The following TMTC2 variants were observed in gnomAD, a reference collection of about 807,000 sequenced individuals.
The protein encoded by TMTC2 is protein O-mannosyl-transferase TMTC2.
TMTC2 carries 43 observed loss-of-function variants against 82.4 expected under a neutral mutation model. The ratio of observed to expected loss-of-function variants is 0.52; its 90% CI spans 0.41 to 0.67. The LOEUF is 0.67. Among genes scored for constraint, TMTC2 ranks in the 30% least tolerant of loss-of-function variants. TMTC2 has a pLI of 0.00. For synonymous variants in TMTC2, 408 were observed against 381.9 expected (o/e 1.07, Z -0.80); for missense variants, 919 against 1,012.4 (o/e 0.91, Z 1.25).
intron 4 of TMTC2, among the ~76,000 whole-genome samples, chr12:82,937,799 C>T (rs60382005): frequency 0.15 from 3,769 of 25,248 alleles, 225 homozygotes; most frequent in East Asian, 0.45. Context: ...TATATATACA[C>T]ACATATATAT....
At chr12:82,949,066 C>T (rs558635783) in intron 4 of TMTC2, among the ~76,000 whole-genome samples, 3 of 152,298 alleles carry the variant, frequency 2.0e-5, no homozygotes, top group Non-Finnish European at 4.4e-5. Context: ...ATAAACAAGT[C>T]AGTCTAACTA....
At chr12:82,959,533 A>G (rs1399405098) in intron 4 of TMTC2, among the ~76,000 whole-genome samples, 4 of 152,170 alleles carry the variant, frequency 2.6e-5, no homozygotes, top group Non-Finnish European at 5.9e-5. Context: ...ATCTACAGCT[A>G]TCTGACCTTC....
chr12:82,884,935 C>A (rs1873012801), intron 2 of TMTC2, among the ~76,000 whole-genome samples: 1 of 151,996 alleles, frequency 6.6e-6, no homozygotes, highest in Non-Finnish European at 1.5e-5. Flanking sequence ...GCTCTGTTAC[C>A]CACACAGGAG....
chr12:82,697,933 G>C (rs1333794037), intron 1 of TMTC2, among the ~76,000 whole-genome samples: 1 of 152,188 alleles, frequency 6.6e-6, no homozygotes, highest in African/African-American at 2.4e-5. Flanking sequence ...CAGCAAAAAT[G>C]AGAGTTTAGG....
chr12:83,041,939 C>T (rs560601979), intron 9 of TMTC2, among the ~76,000 whole-genome samples: 148 of 152,238 alleles, frequency 9.7e-4, no homozygotes, highest in African/African-American at 3.3e-3. Flanking sequence ...CACACACAAA[C>T]ACATTGGTGG....
chr12:82,828,007 C>G (rs907310757), intron 1 of TMTC2, among the ~76,000 whole-genome samples: 1 of 151,012 alleles, frequency 6.6e-6, no homozygotes, highest in Non-Finnish European at 1.5e-5. Context: ...ATTCTCCTGT[C>G]TCCGCCTCCT....
chr12:82,912,137 T>G (rs1243340171), intron 3 of TMTC2, among the ~76,000 whole-genome samples: 1 of 152,216 alleles, frequency 6.6e-6, no homozygotes, highest in East Asian at 1.9e-4. Context: ...ATTAATATCT[T>G]TTTTGGAAGC....
intron 8 of TMTC2, among the ~76,000 whole-genome samples, chr12:83,027,320 C>G (rs1343689322): frequency 1.3e-5 from 2 of 152,114 alleles, no homozygotes; most frequent in African/African-American, 2.4e-5. Flanking sequence ...TCATGCTTCC[C>G]TCCTACAAAC....
intron 2 of TMTC2, among the ~76,000 whole-genome samples, chr12:82,876,815 C>T (rs1378877911): frequency 6.6e-6 from 1 of 152,174 alleles, no homozygotes; most frequent in Non-Finnish European, 1.5e-5. Context: ...GCTTTAATAG[C>T]AGTGCGACCT....
At chr12:82,888,902 G>A (rs1873242934) in intron 2 of TMTC2, among the ~76,000 whole-genome samples, 1 of 152,126 alleles carries the variant, frequency 6.6e-6, no homozygotes, top group South Asian at 2.1e-4. Flanking sequence ...CGCAAGATAA[G>A]TATATTAGAA....
At chr12:82,735,567 G>C (rs570386285) in intron 1 of TMTC2, among the ~76,000 whole-genome samples, 198 of 151,892 alleles carry the variant, frequency 1.3e-3, no homozygotes, top group East Asian at 3.0e-3. Flanking sequence ...GGATGGTCTC[G>C]ATCTCCTGAC....
intron 1 of TMTC2, among the ~76,000 whole-genome samples, chr12:82,782,205 C>T (rs1877942856): frequency 6.6e-6 from 1 of 152,100 alleles, no homozygotes; most frequent in Admixed American, 6.5e-5. Context: ...TCAGCCTCTC[C>T]TCCCACTGTG....
intron 11 of TMTC2, among the ~76,000 whole-genome samples, chr12:83,125,683 T>C (rs1885079838): frequency 1.3e-5 from 2 of 152,228 alleles, no homozygotes; most frequent in African/African-American, 4.8e-5. Context: ...AAATGCATTT[T>C]CTTTGAGCAT....
At chr12:83,109,029 T>G (rs1373490140) in intron 11 of TMTC2, among the ~76,000 whole-genome samples, 1 of 152,200 alleles carries the variant, frequency 6.6e-6, no homozygotes, top group Admixed American at 6.5e-5. Context: ...TCAGATAATC[T>G]CTCATTCCCC....
At chr12:82,784,048 A>G (rs1878044859) in intron 1 of TMTC2, among the ~76,000 whole-genome samples, 1 of 152,102 alleles carries the variant, frequency 6.6e-6, no homozygotes, top group Non-Finnish European at 1.5e-5. Flanking sequence ...GAATATGTAG[A>G]GTGGGCCTGC....
intron 1 of TMTC2, among the ~76,000 whole-genome samples, chr12:82,740,440 GC>G (rs1441860389): frequency 2.0e-5 from 3 of 152,098 alleles, no homozygotes; most frequent in Non-Finnish European, 4.4e-5. Context: ...CCATTTACTG[GC>G]TCCTGACATG....
intron 3 of TMTC2, among the ~76,000 whole-genome samples, chr12:82,916,938 C>T (rs774881130): frequency 4.6e-5 from 7 of 152,136 alleles, no homozygotes; most frequent in Non-Finnish European, 1.0e-4. Context: ...ATAGCCACTT[C>T]TTCTACTTAA....
At chr12:82,889,727 G>T (rs1873300122) in intron 2 of TMTC2, among the ~76,000 whole-genome samples, 2 of 152,064 alleles carry the variant, frequency 1.3e-5, no homozygotes, top group South Asian at 4.2e-4. Flanking sequence ...TGCTGTTATA[G>T]AATGATTTGG....
intron 1 of TMTC2, among the ~76,000 whole-genome samples, chr12:82,836,592 C>T (rs1870054430): frequency 6.6e-6 from 1 of 152,122 alleles, no homozygotes; most frequent in African/African-American, 2.4e-5. Flanking sequence ...GAATACAGTC[C>T]TGCTGATGCC....
Sources: allele counts gnomAD v4.1 joint callset (sites outside exome capture counted in the v4.1 genomes callset), GRCh38; gene constraint gnomAD v4.1.1; transcripts MANE v1.5; gene names NCBI Gene and HGNC (gene_info 2026-07-23, HGNC 2026-07-21).